The following RAB30 variants were observed in gnomAD, a reference collection of about 807,000 sequenced individuals.
The protein encoded by RAB30 is ras-related protein Rab-30.
RAB30 carries 9 observed loss-of-function variants against 25.1 expected under a neutral mutation model. The ratio of observed to expected loss-of-function variants is 0.36; its 90% CI spans 0.22 to 0.63. RAB30 has a LOEUF of 0.63. RAB30 is among the 20% of genes least tolerant of loss of function. The pLI is 0.69. For synonymous variants in RAB30, 77 were observed against 86.4 expected, an observed-to-expected ratio of 0.89 and a Z score of 0.60; for missense variants, 140 against 243.5, an observed-to-expected ratio of 0.58 and a Z score of 2.83.
intron 1 of RAB30, among the ~76,000 whole-genome samples, chr11:83,022,252 C>A (rs1367291767): frequency 3.9e-5 from 6 of 152,134 alleles, no homozygotes; most frequent in Admixed American, 1.3e-4. Flanking sequence ...CTGGACCTGC[C>A]AGGCTCAGGT....
rs1436964295 is a variant in RAB30, at chr11:82,976,706, G to A, written c.*5459C>T. ...TAGATTTGTCACCATACAGATTTAA[G>A]ACCAATGACTTAAAAAAACAAAACA... is the stretch of plus-strand genomic sequence containing the variant. On this transcript the variant is annotated 3_prime_UTR_variant, in exon 5 of 5. Transcript: ENST00000527633. The A allele has an allele frequency of 1.3e-5, 2 of 151,976 alleles. No individual in the cohort carries two copies. The highest frequency in any genetic ancestry group is 2.4e-5 in the African/African-American group (1 of 41,366). 9.4% of individuals were successfully genotyped at this position (151,976 alleles called of 1,614,324 possible). A position where few individuals can be genotyped will look rare whatever the true frequency, so the allele number is the denominator to read the frequency against.
At position 82,977,462 on chromosome 11, in the gene RAB30, C is replaced by A. The variant is rs1429785804; in HGVS notation, c.*4703G>T. 1 of 152,210 alleles carries A rather than the reference C, an allele frequency of 6.6e-6. No homozygotes were observed. The allele number at this position is 152,210 out of a possible 1,614,324, so 9.4% of individuals were successfully genotyped here. ...AGGTTAATAGGTCACCTGCTCCAAT[C>A]TCCAACCAATTGGATCCTCTCCACA... On this transcript the variant is annotated 3_prime_UTR_variant, in exon 5 of 5. Coordinates refer to ENST00000527633, the MANE Select transcript of RAB30 (RefSeq NM_001286060.2).
chr11:83,050,408 T>C (rs559416891), intron 1 of RAB30, among the ~76,000 whole-genome samples: 194 of 152,304 alleles, frequency 1.3e-3, no homozygotes, highest in Non-Finnish European at 3.4e-4. Context: ...TTGAGCCCTA[T>C]TGTTCAACAG....
chr11:83,009,041 G>A (rs989518244), intron 1 of RAB30, among the ~76,000 whole-genome samples: 3 of 151,228 alleles, frequency 2.0e-5, no homozygotes, highest in Non-Finnish European at 4.4e-5. Flanking sequence ...AATTCAACAA[G>A]TATTTATTAA....
rs538248142 is a variant in RAB30, at chr11:82,992,407, C to G, written c.177+1632G>C. The G allele has an allele frequency of 2.0e-4, 93 of 455,910 alleles. 1 individual carries two copies. The highest frequency in any genetic ancestry group is 1.7e-3 in the African/African-American group (86 of 50,146). The allele number at this position is 455,910 out of a possible 1,614,324, so 28.2% of individuals were successfully genotyped here. A position where few individuals can be genotyped will look rare whatever the true frequency, so the allele number is the denominator to read the frequency against. ...TATGAGCTATTTTAAGGAGTCAGGG[C>G]TGGAAGAGACACTGAGAGAGCTTCT... On this transcript the variant is annotated intron_variant, in intron 3 of 4. Transcript: ENST00000527633.
At chr11:83,002,672 C>T (rs1395601709) in intron 1 of RAB30, among the ~76,000 whole-genome samples, 3 of 142,626 alleles carry the variant, frequency 2.1e-5, no homozygotes, top group African/African-American at 2.7e-5. Context: ...TGGTGGCTCA[C>T]GCCTGTAACC....
chr11:83,036,618 A>G (rs1857993242), intron 1 of RAB30, among the ~76,000 whole-genome samples: 1 of 152,226 alleles, frequency 6.6e-6, no homozygotes, highest in Non-Finnish European at 1.5e-5. Flanking sequence ...AGGTCCAGTT[A>G]CCAAAGAACT....
At chr11:83,000,776 G>A (rs566798856) in intron 1 of RAB30, among the ~76,000 whole-genome samples, 7 of 152,190 alleles carry the variant, frequency 4.6e-5, no homozygotes, top group South Asian at 2.1e-4. Flanking sequence ...TTTGTCGGCC[G>A]GGCGCGGTGG....
chr11:83,062,231 C>T (rs895093213), intron 1 of RAB30, among the ~76,000 whole-genome samples: 11 of 152,158 alleles, frequency 7.2e-5, no homozygotes, highest in African/African-American at 1.9e-4. Context: ...CTTAACCTTA[C>T]TGAAAATTGG....
intron 3 of RAB30, among the ~76,000 whole-genome samples, 162 bp from the exon 4 acceptor site, chr11:82,987,932 A>G (rs1856772025): frequency 8.2e-6 from 1 of 121,818 alleles, no homozygotes; most frequent in Non-Finnish European, 1.6e-5. Context: ...AAAAAAAAAA[A>G]AGCACTGAAA....
intron 1 of RAB30, among the ~76,000 whole-genome samples, chr11:83,011,604 A>C (rs899729670): frequency 6.6e-6 from 1 of 152,248 alleles, no homozygotes; most frequent in African/African-American, 2.4e-5. Context: ...GGCATTTAAC[A>C]GACTGAAAAC....
intron 1 of RAB30, among the ~76,000 whole-genome samples, chr11:83,031,319 C>CT (rs1172218644): frequency 3.3e-5 from 5 of 152,178 alleles, no homozygotes; most frequent in Admixed American, 1.3e-4. Flanking sequence ...TTTTTCATGT[C>CT]ATTGACTTGT....
intron 1 of RAB30, among the ~76,000 whole-genome samples, chr11:83,061,213 C>CCTCT (rs151314585): frequency 4.0e-5 from 6 of 149,452 alleles, no homozygotes; most frequent in South Asian, 4.2e-4. Context: ...TCTCTTCCCA[C>CCTCT]CTCTCTCTCT....
intron 4 of RAB30, among the ~76,000 whole-genome samples, chr11:82,982,635 G>A (rs546721209): frequency 7.0e-4 from 106 of 152,222 alleles, no homozygotes; most frequent in African/African-American, 2.4e-3. Context: ...AGGCCAAGGC[G>A]GGTGGATCAC....
intron 1 of RAB30, among the ~76,000 whole-genome samples, chr11:83,043,301 G>A (rs2121515992): frequency 6.6e-6 from 1 of 152,268 alleles, no homozygotes; most frequent in African/African-American, 2.4e-5. Context: ...ACTTAGACCA[G>A]CCAGCTCCTA....
chr11:83,051,784 A>T (rs1295728080), intron 1 of RAB30, among the ~76,000 whole-genome samples: 1 of 152,100 alleles, frequency 6.6e-6, no homozygotes, highest in East Asian at 1.9e-4. Context: ...CTACTAAGAT[A>T]CCCTCAGGAG....
At chr11:83,067,896 C>T (rs965937198) in intron 1 of RAB30, among the ~76,000 whole-genome samples, 16 of 152,122 alleles carry the variant, frequency 1.1e-4, no homozygotes, top group African/African-American at 1.9e-4. Flanking sequence ...GAGGCTGAGG[C>T]GGGTGGACCA....
In RAB30 at chr11:83,044,687, G is replaced by C. The variant is rs73510138; in HGVS notation, c.-9+27004C>G. Among the ~76,000 whole-genome samples, 508 of 152,224 alleles carry C rather than the reference G, an allele frequency of 3.3e-3. 3 individuals carry two copies. The highest frequency in any genetic ancestry group is 0.011 in the African/African-American group (475 of 41,532). On this transcript the variant is annotated intron_variant, in intron 1 of 4. Coordinates refer to ENST00000527633, the MANE Select transcript of RAB30 (RefSeq NM_001286060.2). Reference sequence around the variant, plus strand: ...TACATTTAATGAGTTGGTTGTTCTCGTTCATCAGAACTGAAAAATAAATGC... The same window carrying C: ...TACATTTAATGAGTTGGTTGTTCTCCTTCATCAGAACTGAAAAATAAATGC...
rs1042937343 is a variant in RAB30 at position 83,022,079 on chromosome 11, C to A, written c.-8-24755G>T. Among the ~76,000 whole-genome samples the A allele has an allele frequency of 2.6e-5, 4 of 152,150 alleles. No homozygotes were observed. The East Asian group carries it at 7.7e-4, about 29-fold the overall frequency. ...GGCTGTACGTATGCCTGACAATAGACCAGTGTTTCCTAAATGCTGGTACCA... is the reference window on the plus strand; with the variant it reads ...GGCTGTACGTATGCCTGACAATAGAACAGTGTTTCCTAAATGCTGGTACCA... On this transcript the variant is annotated intron_variant, in intron 1 of 4. Transcript: ENST00000527633.
Sources: gnomAD v4.1 joint callset for allele counts (sites outside exome capture counted in the v4.1 genomes callset) on GRCh38, gnomAD v4.1.1 for gene constraint, MANE v1.5 for transcripts, NCBI Gene and HGNC (gene_info 2026-07-23, HGNC 2026-07-21) for gene names.